MYOM2: variants seen among roughly 807,000 people sequenced by gnomAD.
MYOM2 encodes the protein myomesin 2.
A neutral mutation model predicts 187.6 loss-of-function variants in MYOM2; 254 were observed. The observed-to-expected ratio is 1.35, with a 90% CI of 1.22 to 1.50. The LOEUF (loss-of-function observed/expected upper bound fraction) is 1.50, where lower values mean the gene tolerates loss of function less well. MYOM2 is among the 40% of genes most tolerant of loss of function. The pLI is 0.00. For missense variants in MYOM2, 2,796 were observed against 1,924.0 expected (o/e 1.45, Z -8.48); for synonymous variants, 981 against 753.8 (o/e 1.30, Z -4.94).
chr8:2,138,936 C>G (rs78846065), intron 32 of MYOM2, among the ~76,000 whole-genome samples: 1 of 147,012 alleles, frequency 6.8e-6, no homozygotes, highest in Non-Finnish European at 1.5e-5. Flanking sequence ...ACTTTCTATC[C>G]GGACAGACTC....
chr8:2,101,321 C>G (rs1796702172), intron 20 of MYOM2, among the ~76,000 whole-genome samples: 1 of 152,212 alleles, frequency 6.6e-6, no homozygotes, highest in Non-Finnish European at 1.5e-5. Context: ...TCACCGCACT[C>G]CAGCCTGGTT....
Position 2,143,672 on chromosome 8 carries a change from A to T in MYOM2, c.4080+216A>T, listed in dbSNP as rs117428080. Among the ~76,000 whole-genome samples, 719 of 152,254 alleles carry T rather than the reference A, an allele frequency of 4.7e-3. 14 individuals carry two copies. The highest frequency in any genetic ancestry group is 0.046 in the East Asian group (237 of 5,168). On this transcript the variant is annotated intron_variant, in intron 36 of 36. Coordinates refer to ENST00000262113, the MANE Select transcript of MYOM2 (RefSeq NM_003970.4). The stretch of plus-strand genomic sequence containing the variant: ...AGGAAGGAATCACATAACATTCCGA[A>T]TCCACAAACCTGTGTTCAGAGGAAC...
rs1284150307 is a variant in MYOM2, at chr8:2,116,105, G to T, written c.3325+1G>T. The stretch of plus-strand genomic sequence containing the variant: ...TCTTCTCTAGTTCTTATTGGAGATG[G>T]TATGCTATATCGAATATTTCCACGT... On this transcript the variant is annotated splice_donor_variant, in intron 26 of 36. Transcript: ENST00000262113. LOFTEE classifies it high-confidence loss of function. 1 of 1,589,342 alleles carries T rather than the reference G, an allele frequency of 6.3e-7. No individual in the cohort carries two copies. The highest frequency in any genetic ancestry group is 8.5e-7 in the Non-Finnish European group (1 of 1,174,144).
At chr8:2,092,571 C>A (rs1796344567) in intron 16 of MYOM2, 51 bp downstream of exon 16, 1 of 1,582,888 alleles carries the variant, frequency 6.3e-7, no homozygotes, top group African/African-American at 1.3e-5. Flanking sequence ...AGTAGCAAGA[C>A]CGTTGAGGTC....
At chr8:2,127,554 G>A (rs904126020) in intron 31 of MYOM2, among the ~76,000 whole-genome samples, 2 of 152,256 alleles carry the variant, frequency 1.3e-5, no homozygotes, top group Admixed American at 6.5e-5. Flanking sequence ...GTTTAGGGAG[G>A]TGTGGAAGTC....
chr8:2,127,003 G>A (rs1014737980), intron 31 of MYOM2, among the ~76,000 whole-genome samples: 2 of 151,504 alleles, frequency 1.3e-5, no homozygotes, highest in Admixed American at 6.6e-5. Flanking sequence ...AGCACTGGGA[G>A]AGGCTGATAG....
intron 19 of MYOM2, among the ~76,000 whole-genome samples, chr8:2,100,139 T>G (rs1334087320): frequency 7.4e-6 from 1 of 134,266 alleles, no homozygotes; most frequent in African/African-American, 2.9e-5. Flanking sequence ...TTTCCTTCCT[T>G]CCTTCCTTCC....
intron 9 of MYOM2, 98 bp from the exon 10 acceptor site, chr8:2,073,241 G>A: frequency 7.3e-7 from 1 of 1,367,002 alleles, no homozygotes; most frequent in Non-Finnish European, 1.0e-6. Flanking sequence ...CAGCTCGACT[G>A]TCCTGTCCCG....
chr8:2,068,177 C>T (rs1019089115), intron 6 of MYOM2, among the ~76,000 whole-genome samples: 9 of 150,030 alleles, frequency 6.0e-5, no homozygotes, highest in Non-Finnish European at 8.9e-5. Context: ...AATGCCTGTG[C>T]ACACCAGGCC....
chr8:2,142,512 C>A (rs1474654057), intron 35 of MYOM2, 115 bp downstream of exon 35: 4 of 1,038,670 alleles, frequency 3.9e-6, no homozygotes, highest in African/African-American at 1.6e-5. Flanking sequence ...ATCCCCCACC[C>A]TGATGTAACA....
chr8:2,067,045 G>A (rs530241387), intron 6 of MYOM2, among the ~76,000 whole-genome samples: 1 of 152,170 alleles, frequency 6.6e-6, no homozygotes, highest in Non-Finnish European at 1.5e-5. Flanking sequence ...AGGTCAGATG[G>A]TTTTATCTGA....
Position 2,090,072 on chromosome 8 carries a change from A to G in MYOM2, c.1709A>G (p.Tyr570Cys). ...NAQTAVRSPR[Y>C]AVFDLMEGKS... is the part of the protein sequence containing the mutation. ...CAGACGGCTGTGAGATCCCCGAGAT[A>G]TGCCGTGTTTGACCTCATGGAAGGG... Residue 570 changes from tyrosine (Y) to cysteine (C), a missense_variant, in exon 15 of 37, where the codon TAT becomes TGT. Physicochemically the swap from Tyr to Cys is radical, Grantham distance 194. Transcript: ENST00000262113. 1 of 1,614,080 alleles carries G rather than the reference A, an allele frequency of 6.2e-7. No homozygotes were observed. Among genetic ancestry groups the G allele is most frequent in the East Asian group, 2.2e-5 (1 of 44,876 alleles).
chr8:2,051,149 TC>T (rs1035683530), intron 2 of MYOM2, among the ~76,000 whole-genome samples: 2 of 147,112 alleles, frequency 1.4e-5, no homozygotes, highest in African/African-American at 2.5e-5. Flanking sequence ...TTACTGCTCA[TC>T]ACATGCCTTC....
chr8:2,072,704 G>C (rs988845417), intron 9 of MYOM2, among the ~76,000 whole-genome samples, 195 bp downstream of exon 9: 4 of 152,222 alleles, frequency 2.6e-5, no homozygotes, highest in Non-Finnish European at 4.4e-5. Flanking sequence ...ATCCTGGAGA[G>C]GGAGACCCCG....
In MYOM2 at chr8:2,055,015, CCAA is replaced by C. The variant is rs1429287935; in HGVS notation, c.264-2332_264-2330del. Among the ~76,000 whole-genome samples, 3 of 87,768 alleles carry C rather than the reference CCAA, an allele frequency of 3.4e-5. 1 individual carries two copies. Among genetic ancestry groups the C allele is most frequent in the African/African-American group, 1.2e-4 (3 of 25,052 alleles). 57.6% of individuals were successfully genotyped at this position (87,768 alleles called of 152,430 possible). ...GACGAAGTACCTGGATACTGGGGAA[CCAA>C]GTACCTGGATACTGGGGAACCAAGT... On this transcript the variant is annotated intron_variant, in intron 3 of 36. Coordinates refer to ENST00000262113, the MANE Select transcript of MYOM2 (RefSeq NM_003970.4).
chr8:2,076,534 A>T lies in MYOM2; in HGVS notation c.1262+252A>T. Reference sequence around the variant, plus strand: ...AGGCTCGTTTGCCTGTTGCACACCCAGTAACCAATCCCACCAACGTCTTCA... The same window carrying T: ...AGGCTCGTTTGCCTGTTGCACACCCTGTAACCAATCCCACCAACGTCTTCA... On this transcript the variant is annotated intron_variant, in intron 11 of 36. Transcript: ENST00000262113. 4.1e-6 allele frequency: 2 copies of T among 492,112 alleles called. 1 individual carries two copies. The highest frequency in any genetic ancestry group is 5.2e-5 in the South Asian group (2 of 38,460). 30.5% of individuals were successfully genotyped at this position (492,112 alleles called of 1,614,324 possible). A position where few individuals can be genotyped will look rare whatever the true frequency, so the allele number is the denominator to read the frequency against.
intron 10 of MYOM2, among the ~76,000 whole-genome samples, chr8:2,074,967 C>T (rs1430555820): frequency 6.6e-6 from 1 of 152,250 alleles, no homozygotes; most frequent in African/African-American, 2.4e-5. Flanking sequence ...GGCATCCTTA[C>T]CTGCTGCCCA....
chr8:2,050,217 C>A (rs1328137033), intron 1 of MYOM2, among the ~76,000 whole-genome samples: 1 of 152,158 alleles, frequency 6.6e-6, no homozygotes, highest in East Asian at 1.9e-4. Context: ...TGCTTATGGG[C>A]TGCCCTCCTT....
In MYOM2 at chr8:2,069,333, C is replaced by G. The variant is rs1344140786; in HGVS notation, c.709C>G (p.Gln237Glu). The G allele has an allele frequency of 6.2e-6, 10 of 1,613,866 alleles. No homozygotes were observed. The African/African-American group carries it at 1.1e-4, about 17-fold the overall frequency. ...AGCAGTGGCCACCAATGCCCACGGA[C>G]AAGTGTCCACCAACGCGGCGGTGGT... ...YSAVATNAHG[Q>E]VSTNAAVVVR... Residue 237 changes from glutamine (Q) to glutamate (E), a missense_variant, in exon 7 of 37, where the codon CAA (glutamine) becomes GAA (glutamate). Gln to Glu is a conservative substitution (Grantham distance 29). Transcript: ENST00000262113.
Sources: gnomAD v4.1 joint callset for allele counts (sites outside exome capture counted in the v4.1 genomes callset) on GRCh38, gnomAD v4.1.1 for gene constraint, MANE v1.5 for transcripts, NCBI Gene and HGNC (gene_info 2026-07-23, HGNC 2026-07-21) for gene names.